OSBPL9: variants seen among roughly 807,000 people sequenced by gnomAD.
OSBPL9 encodes oxysterol binding protein like 9, also known as oxysterol-binding protein-related protein 9.
OSBPL9 carries 40 observed loss-of-function variants against 106.6 expected under a neutral mutation model. That is an observed-to-expected ratio of 0.38 (90% confidence interval 0.29 to 0.49). The LOEUF (loss-of-function observed/expected upper bound fraction) is 0.49, where lower values mean the gene tolerates loss of function less well. Ranked by LOEUF, OSBPL9 falls within the 20% of genes least tolerant of loss-of-function variation. The pLI, the probability that OSBPL9 is intolerant of heterozygous loss-of-function variation, is 0.97. For synonymous variants in OSBPL9, 269 were observed against 295.4 expected, an observed-to-expected ratio of 0.91 and a Z score of 0.92; for missense variants, 609 against 887.2, an observed-to-expected ratio of 0.69 and a Z score of 3.98.
In OSBPL9 at chr1:51,745,611, A is replaced by C; in HGVS notation, c.394A>C (p.Ile132Leu). Residue 132 changes from isoleucine (I) to leucine (L), a missense_variant, in exon 5 of 24, where the codon ATC (isoleucine) becomes CTC (leucine). Physicochemically the swap from Ile to Leu is conservative, Grantham distance 5 (BLOSUM62 2). Transcript: ENST00000428468. ...KLTEADAYLQ[I>L]LIEQLKLFDD... ...TACAGAAGCTGATGCTTACCTACAA[A>C]TCTTGATTGAACAATTAAAGGTATG... is the stretch of plus-strand genomic sequence containing the variant. 6.3e-7 allele frequency: 1 copy of C among 1,591,914 alleles called. No individual in the cohort carries two copies. The highest frequency in any genetic ancestry group is 8.5e-7 in the Non-Finnish European group (1 of 1,173,468).
intron 1 of OSBPL9, among the ~76,000 whole-genome samples, chr1:51,591,871 C>G (rs1339241701): frequency 2.6e-5 from 4 of 152,052 alleles, no homozygotes; most frequent in African/African-American, 9.7e-5. Context: ...TTGGATAGAA[C>G]AAGTCAGTGC....
Position 51,787,837 on chromosome 1 carries a change from A to G in OSBPL9, c.*48A>G. On this transcript the variant is annotated 3_prime_UTR_variant, in exon 24 of 24. Coordinates refer to ENST00000428468, the MANE Select transcript of OSBPL9 (RefSeq NM_024586.6). ...CCTGATGATCAGGGCAGTAGGCATA[A>G]TTCAGCAACAAACAATCTTCCTTTG... The G allele has an allele frequency of 6.8e-7, 1 of 1,478,120 alleles. No individual in the cohort carries two copies. Among genetic ancestry groups the G allele is most frequent in the Non-Finnish European group, 9.4e-7 (1 of 1,058,448 alleles). The allele number at this position is 1,478,120 out of a possible 1,614,324, so 91.6% of individuals were successfully genotyped here.
intron 3 of OSBPL9, among the ~76,000 whole-genome samples, chr1:51,695,070 C>T (rs187593589): frequency 1.3e-3 from 195 of 152,252 alleles, no homozygotes; most frequent in African/African-American, 4.5e-3. Flanking sequence ...TTGAGATAAC[C>T]GTTATACTTT....
At chr1:51,717,159 G>A (rs1661225283) in intron 4 of OSBPL9, among the ~76,000 whole-genome samples, 2 of 152,148 alleles carry the variant, frequency 1.3e-5, no homozygotes, top group South Asian at 4.1e-4. Context: ...TAGAGATGCG[G>A]TTTTGCCATG....
chr1:51,536,843 G>A, the OSBPL9 span, among the ~76,000 whole-genome samples: 1,078 of 152,326 alleles, frequency 7.1e-3, 8 homozygotes, highest in African/African-American at 0.025. Context: ...GGGGAGAAAC[G>A]TGGTGTCACT....
At chr1:51,616,438 C>A (rs1644061164), upstream of OSBPL9, among the ~76,000 whole-genome samples, 1 of 152,194 alleles carries the variant, frequency 6.6e-6, no homozygotes, top group Non-Finnish European at 1.5e-5. Flanking sequence ...AACATTTGGT[C>A]TTTGCATTTG....
chr1:51,666,516 A>T (rs574795461), intron 2 of OSBPL9, among the ~76,000 whole-genome samples: 35 of 152,366 alleles, frequency 2.3e-4, no homozygotes, highest in Admixed American at 1.7e-3. Flanking sequence ...GTTGCTAGTG[A>T]CTATTAAACT....
chr1:51,713,127 T>C (rs1188171889), intron 3 of OSBPL9, among the ~76,000 whole-genome samples: 2 of 152,044 alleles, frequency 1.3e-5, no homozygotes, highest in Non-Finnish European at 2.9e-5. Flanking sequence ...TGGTTGGTTT[T>C]TTTTGTTTTT....
intron 2 of OSBPL9, among the ~76,000 whole-genome samples, chr1:51,598,432 C>T (rs150798845): frequency 1.0e-3 from 155 of 152,270 alleles, no homozygotes; most frequent in African/African-American, 3.5e-3. Context: ...ACATTTGGGG[C>T]CAGATAATTC....
At chr1:51,744,645 T>G (rs1323097889) in intron 4 of OSBPL9, among the ~76,000 whole-genome samples, 1 of 152,166 alleles carries the variant, frequency 6.6e-6, no homozygotes, top group Non-Finnish European at 1.5e-5. Flanking sequence ...TTTTACCCAT[T>G]TAGTGCAGAA....
chr1:51,575,439 G>T (rs1222347998), upstream of OSBPL9, among the ~76,000 whole-genome samples: 1 of 150,258 alleles, frequency 6.7e-6, no homozygotes, highest in Non-Finnish European at 1.5e-5. Flanking sequence ...TCGAATTCCT[G>T]ACCTCAAGTG....
intron 3 of OSBPL9, among the ~76,000 whole-genome samples, chr1:51,673,056 C>G (rs1650277510): frequency 6.6e-6 from 1 of 152,018 alleles, no homozygotes; most frequent in Non-Finnish European, 1.5e-5. Flanking sequence ...ACTACAGAGC[C>G]CTGGGGCACT....
intron 2 of OSBPL9, among the ~76,000 whole-genome samples, chr1:51,658,992 C>A (rs977627471): frequency 6.6e-6 from 1 of 152,038 alleles, no homozygotes; most frequent in Non-Finnish European, 1.5e-5. Context: ...ATGTAAACAT[C>A]TATTTAATCT....
chr1:51,730,165 G>C, intron 4 of OSBPL9: 1 of 1,241,850 alleles, frequency 8.1e-7, no homozygotes, highest in Non-Finnish European at 1.0e-6. Flanking sequence ...CTCTTCCTTG[G>C]GAGTTCTCAG....
chr1:51,774,698 C>G (rs916831911), intron 14 of OSBPL9, among the ~76,000 whole-genome samples: 1 of 152,096 alleles, frequency 6.6e-6, no homozygotes, highest in Non-Finnish European at 1.5e-5. Flanking sequence ...CTCCTCACAG[C>G]TAAGAAGAGG....
chr1:51,760,311 T>C (rs1480141807), intron 9 of OSBPL9: 1 of 215,934 alleles, frequency 4.6e-6, no homozygotes, highest in African/African-American at 2.4e-5. Flanking sequence ...CAGTTGGACA[T>C]TTGGTGTAAC....
intron 3 of OSBPL9, among the ~76,000 whole-genome samples, chr1:51,693,851 A>G (rs1220106208): frequency 6.6e-6 from 1 of 152,234 alleles, no homozygotes; most frequent in Non-Finnish European, 1.5e-5. Flanking sequence ...TCTAAGTGGA[A>G]TATTTGTATT....
intron 4 of OSBPL9, among the ~76,000 whole-genome samples, chr1:51,727,131 C>CTTTTTTT (rs34741660): frequency 1.9e-5 from 2 of 107,342 alleles, no homozygotes; most frequent in Admixed American, 9.6e-5. Flanking sequence ...GAGATGTAGG[C>CTTTTTTT]TTTTTTTTTT....
chr1:51,578,799 A>G (rs1478276115), intron 1 of OSBPL9, among the ~76,000 whole-genome samples: 1 of 152,226 alleles, frequency 6.6e-6, no homozygotes, highest in South Asian at 2.1e-4. Context: ...AGAGACGGAT[A>G]AGTAAACAAA....
Sources: allele counts gnomAD v4.1 joint callset (sites outside exome capture counted in the v4.1 genomes callset), GRCh38; gene constraint gnomAD v4.1.1; transcripts MANE v1.5; gene names NCBI Gene and HGNC (gene_info 2026-07-23, HGNC 2026-07-21).